Variants in UBE2F observed in about 807,000 individuals in gnomAD.
UBE2F encodes the protein ubiquitin conjugating enzyme E2 F (putative).
UBE2F carries 5 observed loss-of-function variants against 29.6 expected under a neutral mutation model. The observed-to-expected ratio is 0.17, with a 90% confidence interval of 0.09 to 0.36. The LOEUF (loss-of-function observed/expected upper bound fraction) is 0.36, where lower values mean the gene tolerates loss of function less well. Ranked by LOEUF, UBE2F falls within the 10% of genes least tolerant of loss-of-function variation. The probability of loss-of-function intolerance (pLI) is 1.00; values close to 1 mark genes in which losing one functional copy is unlikely to be tolerated. For synonymous variants in UBE2F, 66 were observed against 81.8 expected, an observed-to-expected ratio of 0.81 and a Z score of 1.04; for missense variants, 141 against 228.5, an observed-to-expected ratio of 0.62 and a Z score of 2.47.
At chr2:237,976,907 G>A (rs556240029) in intron 2 of UBE2F, among the ~76,000 whole-genome samples, 3 of 152,304 alleles carry the variant, frequency 2.0e-5, no homozygotes, top group South Asian at 4.1e-4. Flanking sequence ...GTTTATTGCA[G>A]CAAGACAGCC....
At chr2:238,029,561 A>C (rs574160494) in intron 6 of UBE2F, among the ~76,000 whole-genome samples, 3 of 149,450 alleles carry the variant, frequency 2.0e-5, no homozygotes, top group East Asian at 4.0e-4. Context: ...GTGCCACTGC[A>C]CTCCAGCCTG....
chr2:238,010,437 C>T (rs2063998467), intron 4 of UBE2F, among the ~76,000 whole-genome samples: 1 of 152,230 alleles, frequency 6.6e-6, no homozygotes, highest in Non-Finnish European at 1.5e-5. Flanking sequence ...TCCCAAAGTG[C>T]TGGGATTACA....
At chr2:238,032,346 A>G (rs2064602280) in intron 8 of UBE2F, 92 bp downstream of exon 8, 1 of 1,137,404 alleles carries the variant, frequency 8.8e-7, no homozygotes, top group South Asian at 1.3e-5. Context: ...ACACAAAACC[A>G]TGTTAAAAAA....
chr2:238,029,951 CTTTT>C (rs36015072), intron 6 of UBE2F, among the ~76,000 whole-genome samples: 2 of 135,632 alleles, frequency 1.5e-5, no homozygotes, highest in South Asian at 2.2e-4. Context: ...TTCTTTCTTT[CTTTT>C]TTTTTTTTTG....
At chr2:238,019,740 A>G (rs1210488997) in intron 5 of UBE2F, among the ~76,000 whole-genome samples, 1 of 143,306 alleles carries the variant, frequency 7.0e-6, no homozygotes, top group Non-Finnish European at 1.5e-5. Flanking sequence ...GCTCACCGCA[A>G]CCTCTGCCAC....
chr2:238,008,659 A>T (rs2106373003), intron 4 of UBE2F, among the ~76,000 whole-genome samples: 1 of 152,136 alleles, frequency 6.6e-6, no homozygotes, highest in Non-Finnish European at 1.5e-5. Flanking sequence ...AATTTTGTTC[A>T]TGTCTTTGTT....
chr2:237,998,821 A>G (rs1215303698), intron 4 of UBE2F, among the ~76,000 whole-genome samples: 2 of 152,160 alleles, frequency 1.3e-5, no homozygotes, highest in African/African-American at 2.4e-5. Flanking sequence ...GTGAAATGGT[A>G]TATCATTGGG....
Position 237,967,027 on chromosome 2 carries a change from C to G in UBE2F, c.-122C>G. On this transcript the variant is annotated 5_prime_UTR_variant, in exon 1 of 10. Transcript: ENST00000272930. The surrounding 1 kb of genome is among the most constrained non-coding windows in gnomAD (Gnocchi z 6.3). ...CCCCGCCCCGCCACTTCCGGTCCCGCCGCCGGGAGCCGGTGCGGCTGTGAG... is the reference window on the plus strand; with the variant it reads ...CCCCGCCCCGCCACTTCCGGTCCCGGCGCCGGGAGCCGGTGCGGCTGTGAG... 1 of 1,279,436 alleles carries G rather than the reference C, an allele frequency of 7.8e-7. No homozygotes were observed. The highest frequency in any genetic ancestry group is 9.9e-7 in the Non-Finnish European group (1 of 1,009,052). 79.3% of individuals were successfully genotyped at this position (1,279,436 alleles called of 1,614,324 possible). A position where few individuals can be genotyped will look rare whatever the true frequency, so the allele number is the denominator to read the frequency against.
chr2:238,041,393 A>G lies in UBE2F; in HGVS notation c.*55A>G. ...TGTGTTACAGTTTGTCTCTAACATG[A>G]AACAGCAAGAGGTAGCCCCCTCTCC... On this transcript the variant is annotated 3_prime_UTR_variant, in exon 10 of 10. Transcript: ENST00000272930. 6.3e-7 allele frequency: 1 copy of G among 1,590,800 alleles called. No individual in the cohort carries two copies. The highest frequency in any genetic ancestry group is 8.6e-7 in the Non-Finnish European group (1 of 1,160,230).
chr2:238,016,468 T>G, intron 4 of UBE2F, 98 bp from the exon 5 acceptor site: 1 of 1,019,866 alleles, frequency 9.8e-7, no homozygotes, highest in African/African-American at 1.6e-5. Flanking sequence ...AACTCCTGAT[T>G]CTCTGTATTT....
At chr2:237,970,868 C>T (rs920705789) in intron 1 of UBE2F, among the ~76,000 whole-genome samples, 33 of 152,260 alleles carry the variant, frequency 2.2e-4, no homozygotes, top group African/African-American at 6.0e-4. Flanking sequence ...GCCACCATGC[C>T]GAGCTAATTT....
At chr2:237,997,117 C>T (rs1414384198) in intron 4 of UBE2F, among the ~76,000 whole-genome samples, 3 of 152,020 alleles carry the variant, frequency 2.0e-5, no homozygotes, top group Non-Finnish European at 4.4e-5. Context: ...ATCCCAGCTA[C>T]TCAGGAGGCT....
chr2:238,011,048 C>T (rs1576621520), intron 4 of UBE2F, among the ~76,000 whole-genome samples: 1 of 152,274 alleles, frequency 6.6e-6, no homozygotes, highest in East Asian at 1.9e-4. Flanking sequence ...TAACCATTAC[C>T]ATCTCTCACC....
At chr2:237,973,703 A>G (rs2063217916) in intron 2 of UBE2F, 12 of 1,300,386 alleles carry the variant, frequency 9.2e-6, no homozygotes, top group Non-Finnish European at 1.2e-5. Flanking sequence ...GGAATTAATA[A>G]CATATAGTGT....
intron 5 of UBE2F, among the ~76,000 whole-genome samples, chr2:238,022,414 C>T (rs775674574): frequency 2.0e-5 from 3 of 152,104 alleles, no homozygotes; most frequent in Non-Finnish European, 4.4e-5. Flanking sequence ...TACTAGAGTC[C>T]TTACAAGCAA....
chr2:238,035,806 C>A, intron 8 of UBE2F, 72 bp from the exon 9 acceptor site: 4 of 1,264,082 alleles, frequency 3.2e-6, no homozygotes, highest in Non-Finnish European at 4.5e-6. Context: ...TCTTACTGTG[C>A]CATAAAATGA....
rs2064835014 is a variant in UBE2F, at chr2:238,041,373, T to TA, written c.*36dup. The TA allele has an allele frequency of 2.5e-6, 4 of 1,611,472 alleles. No individual in the cohort carries two copies. The highest frequency in any genetic ancestry group is 1.7e-5 in the Admixed American group (1 of 59,982). On this transcript the variant is annotated 3_prime_UTR_variant, in exon 10 of 10. Coordinates refer to ENST00000272930, the MANE Select transcript of UBE2F (RefSeq NM_080678.3). Reference sequence around the variant, plus strand: ...ACGATTGCAGGCCCATGGACTGTGTTACAGTTTGTCTCTAACATGAAACAG... The same window carrying TA: ...ACGATTGCAGGCCCATGGACTGTGTTAACAGTTTGTCTCTAACATGAAACAG...
intron 4 of UBE2F, among the ~76,000 whole-genome samples, chr2:237,998,864 G>A (rs2063737319): frequency 6.6e-6 from 1 of 152,068 alleles, no homozygotes; most frequent in South Asian, 2.1e-4. Flanking sequence ...GACAGATGAT[G>A]TAGAGTATCT....
intron 1 of UBE2F, among the ~76,000 whole-genome samples, 177 bp from the exon 2 acceptor site, chr2:237,972,915 C>CA (rs1297461019): frequency 6.6e-6 from 1 of 152,146 alleles, no homozygotes; most frequent in African/African-American, 2.4e-5. Context: ...TAGAGGATGG[C>CA]ATAGAGCTTC....
Sources: gnomAD v4.1 joint callset for allele counts (sites outside exome capture counted in the v4.1 genomes callset) on GRCh38, gnomAD v4.1.1 for gene constraint, Gnocchi (gnomAD v3.1) non-coding constraint, MANE v1.5 for transcripts, NCBI Gene and HGNC (gene_info 2026-07-23, HGNC 2026-07-21) for gene names.